RIC8B: variants seen among roughly 807,000 people sequenced by gnomAD.
RIC8B encodes chaperone Ric-8B.
Under a neutral mutation model 57.5 loss-of-function variants are expected in RIC8B, and 16 were observed. The ratio of observed to expected loss-of-function variants is 0.28; its 90% CI spans 0.19 to 0.42. The LOEUF (loss-of-function observed/expected upper bound fraction) is 0.42. Among genes scored for constraint, RIC8B ranks in the 10% least tolerant of loss-of-function variants. The pLI is 1.00. For missense variants in RIC8B, 481 were observed against 677.0 expected (o/e 0.71, Z 3.21); for synonymous variants, 216 against 250.8 (o/e 0.86, Z 1.31).
intron 6 of RIC8B, among the ~76,000 whole-genome samples, chr12:106,846,768 A>C (rs1949210701): frequency 6.6e-6 from 1 of 152,080 alleles, no homozygotes; most frequent in Non-Finnish European, 1.5e-5. Context: ...CTTAATATGA[A>C]GGCCTTGGGC....
At chr12:106,798,179 G>T in intron 2 of RIC8B, 1 of 520,742 alleles carries the variant, frequency 1.9e-6, no homozygotes, top group Non-Finnish European at 3.5e-6. Flanking sequence ...ATTTTTTGTT[G>T]TCAAAAATGT....
At chr12:106,805,758 C>T (rs376071522) in intron 2 of RIC8B, among the ~76,000 whole-genome samples, 1 of 152,140 alleles carries the variant, frequency 6.6e-6, no homozygotes, top group African/African-American at 2.4e-5. Flanking sequence ...ACTCTTCATT[C>T]TTCTCATATA....
chr12:106,813,187 CTTTTTTTTTT>C (rs35584850), intron 2 of RIC8B, among the ~76,000 whole-genome samples: 2 of 98,680 alleles, frequency 2.0e-5, no homozygotes, highest in South Asian at 3.9e-4. Context: ...AATACTATGC[CTTTTTTTTTT>C]TTTTTTTTTT....
rs188831101 is a variant in RIC8B, at chr12:106,846,711, A to G, written c.1161+2764A>G. On this transcript the variant is annotated intron_variant, in intron 6 of 9. Transcript: ENST00000392837. ...AAACTGTTTAGATTTTGCTATCTCT[A>G]AACAGAACAGCCAAAAAAAAAAAAA... is the stretch of plus-strand genomic sequence containing the variant. Among the ~76,000 whole-genome samples the G allele has an allele frequency of 2.3e-4, 34 of 145,876 alleles. 1 individual carries two copies. The East Asian group carries it at 5.9e-3, about 25-fold the overall frequency.
At chr12:106,790,320 AG>A (rs1206360926) in intron 2 of RIC8B, among the ~76,000 whole-genome samples, 3 of 152,234 alleles carry the variant, frequency 2.0e-5, no homozygotes, top group African/African-American at 7.2e-5. Flanking sequence ...GAAACCATTT[AG>A]GTAACTAGAT....
chr12:106,823,354 G>A, intron 3 of RIC8B: 1 of 440,606 alleles, frequency 2.3e-6, no homozygotes, highest in Non-Finnish European at 4.6e-6. Flanking sequence ...GTTTTGAGTA[G>A]AGAAATAGAG....
intron 2 of RIC8B, among the ~76,000 whole-genome samples, chr12:106,800,691 G>T (rs2044693485): frequency 6.6e-6 from 1 of 152,102 alleles, no homozygotes. Context: ...ACGTGCTTGG[G>T]CTATTAGAGC....
intron 9 of RIC8B, among the ~76,000 whole-genome samples, chr12:106,883,859 T>C (rs1284193652): frequency 6.6e-6 from 1 of 152,152 alleles, no homozygotes; most frequent in Non-Finnish European, 1.5e-5. Context: ...TTTAAGACAT[T>C]TTTGACTATT....
intron 9 of RIC8B, among the ~76,000 whole-genome samples, chr12:106,878,338 A>G (rs1157207397): frequency 1.3e-5 from 2 of 152,080 alleles, no homozygotes; most frequent in Non-Finnish European, 2.9e-5. Context: ...AAGAGGTGAA[A>G]ACATTTATAA....
chr12:106,818,455 C>T (rs10861670), intron 3 of RIC8B, among the ~76,000 whole-genome samples: 13,858 of 151,958 alleles, frequency 0.091, 769 homozygotes, highest in South Asian at 0.16. Flanking sequence ...TGAGCCACCG[C>T]GCCCGGCCTC....
intron 9 of RIC8B, among the ~76,000 whole-genome samples, chr12:106,881,318 A>G (rs1364948069): frequency 6.6e-6 from 1 of 150,690 alleles, no homozygotes; most frequent in Non-Finnish European, 1.5e-5. Context: ...ATCCTCTTTT[A>G]TACCGCATCT....
chr12:106,788,886 T>C (rs1755304184), intron 2 of RIC8B, among the ~76,000 whole-genome samples: 1 of 152,238 alleles, frequency 6.6e-6, no homozygotes, highest in South Asian at 2.1e-4. Context: ...GGCTCCTCAT[T>C]AGTTTCACAA....
chr12:106,810,494 A>G (rs918625963), intron 2 of RIC8B, among the ~76,000 whole-genome samples: 1 of 152,204 alleles, frequency 6.6e-6, no homozygotes, highest in Non-Finnish European at 1.5e-5. Flanking sequence ...AATGATTGCT[A>G]CAGATTTGTG....
chr12:106,836,867 A>G (rs912655236), intron 4 of RIC8B, among the ~76,000 whole-genome samples: 1 of 152,142 alleles, frequency 6.6e-6, no homozygotes, highest in African/African-American at 2.4e-5. Context: ...CTGATGTCAT[A>G]TCCTACTCCT....
At chr12:106,865,548 C>T (rs1950104941) in intron 8 of RIC8B, among the ~76,000 whole-genome samples, 1 of 152,086 alleles carries the variant, frequency 6.6e-6, no homozygotes, top group African/African-American at 2.4e-5. Context: ...GGTAAATATT[C>T]ACATACATCT....
intron 2 of RIC8B, among the ~76,000 whole-genome samples, chr12:106,794,529 A>C (rs1207346601): frequency 6.6e-6 from 1 of 152,226 alleles, no homozygotes; most frequent in East Asian, 1.9e-4. Flanking sequence ...GAAAATCTTG[A>C]AAACAGCAAG....
rs1447137123 is a variant in RIC8B, at chr12:106,779,472, T to C, written c.85-4525T>C. 8.5e-5 allele frequency among the ~76,000 whole-genome samples: 13 copies of C among 152,098 alleles called. No homozygotes were observed. The East Asian group carries it at 2.5e-3, about 29-fold the overall frequency. On this transcript the variant is annotated intron_variant, in intron 1 of 9. Transcript: ENST00000392837. ...GTCATGAACTCCTGACCTCAAGTGA[T>C]CCACTCACCTGGGCCTCCCAAAGTG...
In RIC8B at chr12:106,870,864, A is replaced by AC; in HGVS notation, c.1497dup (p.Ile500HisfsTer3). ...GGTCATTTAGAGGAACCAATGCCAA[A>AC]CCCCATAGATGAAATGACAGAAGAA... On this transcript the variant is annotated frameshift_variant, in exon 9 of 10. Coordinates refer to ENST00000392837, the MANE Select transcript of RIC8B (RefSeq NM_001330145.2). LOFTEE classifies it high-confidence loss of function. The AC allele has an allele frequency of 6.5e-7, 1 of 1,544,702 alleles. No individual in the cohort carries two copies. The highest frequency in any genetic ancestry group is 8.8e-7 in the Non-Finnish European group (1 of 1,142,714).
chr12:106,855,158 C>T (rs1380855751), intron 7 of RIC8B, among the ~76,000 whole-genome samples: 1 of 152,146 alleles, frequency 6.6e-6, no homozygotes, highest in Non-Finnish European at 1.5e-5. Flanking sequence ...GGCTGAATTG[C>T]AAAGAAAAAT....
Sources: gnomAD v4.1 joint callset for allele counts (sites outside exome capture counted in the v4.1 genomes callset) on GRCh38, gnomAD v4.1.1 for gene constraint, MANE v1.5 for transcripts, NCBI Gene and HGNC (gene_info 2026-07-23, HGNC 2026-07-21) for gene names.